The following ADGRV1 variants were observed in gnomAD, a reference collection of about 807,000 sequenced individuals.
ADGRV1 encodes adhesion G protein-coupled receptor V1, also known as G-protein coupled receptor 98.
In ADGRV1, 359 loss-of-function variants were observed where a neutral mutation model predicts 596.2. The observed-to-expected ratio is 0.60, with a 90% confidence interval of 0.55 to 0.66. The LOEUF (loss-of-function observed/expected upper bound fraction) is 0.66. ADGRV1 is among the 30% of genes least tolerant of loss of function. The probability of loss-of-function intolerance (pLI) is 0.00; values close to 1 mark genes in which losing one functional copy is unlikely to be tolerated. For missense variants in ADGRV1, 7,274 were observed against 7,575.6 expected, an observed-to-expected ratio of 0.96 and a Z score of 1.48; for synonymous variants, 2,681 against 2,679.2, an observed-to-expected ratio of 1.00 and a Z score of -0.02.
chr5:91,121,042 C>T (rs1793272955), intron 87 of ADGRV1, among the ~76,000 whole-genome samples: 1 of 152,074 alleles, frequency 6.6e-6, no homozygotes, highest in South Asian at 2.1e-4. Context: ...GGCATGGTAG[C>T]AGACACCTGT....
chr5:90,703,713 A>G lies in ADGRV1; in HGVS notation c.8204A>G (p.Asn2735Ser), dbSNP rs200604083. The G allele has an allele frequency of 1.9e-4, 298 of 1,605,956 alleles. 1 individual carries two copies. The African/African-American group carries it at 3.2e-3, about 17-fold the overall frequency. Residue 2735 changes from asparagine to serine, a missense_variant, in exon 35 of 90, where the codon AAT (asparagine) becomes AGT (serine). By Grantham distance (46) the Asn-to-Ser change is conservative. Around this residue, in one of 5 missense-constraint regions of ADGRV1, gnomAD observed 3,643 missense variants for 3,809.2 expected, o/e 0.96. Coordinates refer to ENST00000405460, the MANE Select transcript of ADGRV1 (RefSeq NM_032119.4). The part of the protein sequence containing the change: ...HVIRTFPGRG[N>S]VTVNWKIIGQ... The stretch of plus-strand genomic sequence containing the variant: ...ATAAGAACTTTCCCTGGTCGAGGAA[A>G]TGTTACTGTTAACTGGAAAATTATT...
chr5:91,109,400 A>G (rs1240945701), intron 87 of ADGRV1, among the ~76,000 whole-genome samples: 1 of 152,160 alleles, frequency 6.6e-6, no homozygotes, highest in Non-Finnish European at 1.5e-5. Context: ...TGTTTTTGCC[A>G]CTTCCCCATG....
intron 83 of ADGRV1, among the ~76,000 whole-genome samples, chr5:90,928,635 G>C (rs1309797334): frequency 9.0e-4 from 135 of 149,596 alleles, no homozygotes; most frequent in African/African-American, 2.5e-3. Context: ...CTCAGCTCGT[G>C]AAAGTCATTC....
intron 87 of ADGRV1, among the ~76,000 whole-genome samples, chr5:91,137,893 A>T (rs1321279357): frequency 1.3e-5 from 2 of 152,212 alleles, no homozygotes; most frequent in Non-Finnish European, 2.9e-5. Context: ...ATTAAGAGAG[A>T]ACTTAAATTG....
At chr5:90,729,883 T>TTG (rs925484792) in intron 50 of ADGRV1, 119 bp downstream of exon 50, 49 of 930,176 alleles carry the variant, frequency 5.3e-5, no homozygotes, top group Admixed American at 4.2e-4. Context: ...TTTTTTTTTT[T>TTG]GGAGATGGGG....
chr5:90,692,771 T>C lies in ADGRV1; in HGVS notation c.7118T>C (p.Ile2373Thr), dbSNP rs779248889. Reference sequence around the variant, plus strand: ...CTGGAAAGAAGTTCCTGTGCTAATATAACTGTCAGGCGAAGGTATATGAGA... The same window carrying C: ...CTGGAAAGAAGTTCCTGTGCTAATACAACTGTCAGGCGAAGGTATATGAGA... ...EPLERSSCAN[I>T]TVRRSGGHFG... Residue 2373 changes from isoleucine to threonine, a missense_variant, in exon 32 of 90, where the codon ATA becomes ACA. Physicochemically the swap from Ile to Thr is moderately conservative, Grantham distance 89. Coordinates refer to ENST00000405460, the MANE Select transcript of ADGRV1 (RefSeq NM_032119.4). The C allele has an allele frequency of 6.3e-7, 1 of 1,598,498 alleles. No individual in the cohort carries two copies. The highest frequency in any genetic ancestry group is 1.3e-5 in the African/African-American group (1 of 74,694).
intron 85 of ADGRV1, among the ~76,000 whole-genome samples, chr5:91,035,861 T>TATTATATATATATATATATATATA: frequency 6.2e-5 from 6 of 96,398 alleles, no homozygotes; most frequent in African/African-American, 1.9e-4. Flanking sequence ...TATATATATA[T>TATTATATATATATATATATATATA]TATATATATA....
chr5:90,722,786 CT>C, intron 45 of ADGRV1, among the ~76,000 whole-genome samples: 1 of 121,274 alleles, frequency 8.2e-6, no homozygotes, highest in Admixed American at 9.4e-5. Context: ...AACCTTGGAA[CT>C]TTAGCTATAT....
intron 87 of ADGRV1, among the ~76,000 whole-genome samples, chr5:91,110,710 T>C (rs1160774297): frequency 6.6e-6 from 1 of 152,094 alleles, no homozygotes; most frequent in Admixed American, 6.6e-5. Context: ...TGCTAGAAAA[T>C]ACGTTTGTGG....
At chr5:90,701,236 A>G (rs1459000532) in intron 34 of ADGRV1, among the ~76,000 whole-genome samples, 1 of 152,092 alleles carries the variant, frequency 6.6e-6, no homozygotes, top group Non-Finnish European at 1.5e-5. Context: ...TAAAAATAAC[A>G]TACTCTCTCT....
chr5:90,592,507 C>T (rs1192876146), intron 1 of ADGRV1, among the ~76,000 whole-genome samples: 2 of 152,166 alleles, frequency 1.3e-5, no homozygotes. Flanking sequence ...AATTAGATCC[C>T]ATTTGTCTAT....
chr5:90,712,801 A>G (rs1484305897), intron 42 of ADGRV1, among the ~76,000 whole-genome samples: 1 of 152,050 alleles, frequency 6.6e-6, no homozygotes, highest in African/African-American at 2.4e-5. Context: ...ATTACTTTGT[A>G]CCTTTGTACA....
chr5:90,943,454 A>G (rs926973505), intron 83 of ADGRV1, among the ~76,000 whole-genome samples: 36 of 152,088 alleles, frequency 2.4e-4, no homozygotes, highest in Admixed American at 4.6e-4. Flanking sequence ...CCTGACCTGC[A>G]TAATCTCTCT....
chr5:91,130,439 T>G (rs1441958166), intron 87 of ADGRV1, among the ~76,000 whole-genome samples: 2 of 149,796 alleles, frequency 1.3e-5, no homozygotes, highest in Non-Finnish European at 3.0e-5. Flanking sequence ...GGAGAATTGC[T>G]TGAGCCCGGG....
At chr5:90,858,123 T>C (rs1373247554) in intron 82 of ADGRV1, among the ~76,000 whole-genome samples, 2 of 152,216 alleles carry the variant, frequency 1.3e-5, no homozygotes, top group Admixed American at 1.3e-4. Context: ...CTTAAAATTG[T>C]AAACTAGTTT....
intron 87 of ADGRV1, among the ~76,000 whole-genome samples, chr5:91,114,457 G>A (rs1562237898): frequency 6.6e-6 from 1 of 152,074 alleles, no homozygotes; most frequent in East Asian, 1.9e-4. Context: ...AACCCAGGAA[G>A]CGGAGGTTGC....
At chr5:90,967,995 C>T (rs1295607096) in intron 84 of ADGRV1, among the ~76,000 whole-genome samples, 5 of 152,104 alleles carry the variant, frequency 3.3e-5, no homozygotes, top group Non-Finnish European at 5.9e-5. Flanking sequence ...TCTCATGGGT[C>T]GTGTTTCAGC....
intron 76 of ADGRV1, among the ~76,000 whole-genome samples, chr5:90,826,319 A>T (rs1305341755): frequency 6.6e-6 from 1 of 152,150 alleles, no homozygotes; most frequent in Non-Finnish European, 1.5e-5. Flanking sequence ...TAGATTTTTG[A>T]CCTAAGCACC....
chr5:91,013,293 T>C (rs1313178215), intron 85 of ADGRV1, among the ~76,000 whole-genome samples: 1 of 152,112 alleles, frequency 6.6e-6, no homozygotes. Context: ...ACCATACTGC[T>C]TTCCACAATG....
Sources: allele counts gnomAD v4.1 joint callset (sites outside exome capture counted in the v4.1 genomes callset), GRCh38; gene constraint gnomAD v4.1.1; regional missense constraint gnomAD v4.1.1; transcripts MANE v1.5; gene names NCBI Gene and HGNC (gene_info 2026-07-23, HGNC 2026-07-21).